Variants in AP3S1 observed in about 807,000 individuals in gnomAD.
AP3S1 encodes AP-3 complex subunit sigma-1.
A neutral mutation model predicts 21.3 loss-of-function variants in AP3S1; 12 were observed. That is an observed-to-expected ratio of 0.56 (90% CI 0.36 to 0.91). AP3S1 has a LOEUF of 0.91. Ranked by LOEUF, AP3S1 falls within the 40% of genes least tolerant of loss-of-function variation. AP3S1 has a pLI of 0.01. For synonymous variants in AP3S1, 48 were observed against 78.4 expected (o/e 0.61, Z 2.05); for missense variants, 116 against 225.0 (o/e 0.52, Z 3.10).
At chr5:115,860,858 C>A (rs1428013214) in intron 1 of AP3S1, among the ~76,000 whole-genome samples, 1 of 152,136 alleles carries the variant, frequency 6.6e-6, no homozygotes, top group African/African-American at 2.4e-5. Context: ...TAGAACACAG[C>A]TTGCACTTTT....
At chr5:115,868,348 T>TGAAA (rs1747882245) in intron 2 of AP3S1, among the ~76,000 whole-genome samples, 1 of 152,184 alleles carries the variant, frequency 6.6e-6, no homozygotes, top group African/African-American at 2.4e-5. Context: ...GTGTTCTTTT[T>TGAAA]GCCTCTTTCA....
intron 3 of AP3S1, among the ~76,000 whole-genome samples, chr5:115,878,789 G>A (rs1748996478): frequency 6.6e-6 from 1 of 152,162 alleles, no homozygotes; most frequent in Non-Finnish European, 1.5e-5. Flanking sequence ...ACGTTGGACA[G>A]TGTGGCCATT....
chr5:115,884,000 G>A (rs1348394664), intron 3 of AP3S1, among the ~76,000 whole-genome samples: 1 of 152,120 alleles, frequency 6.6e-6, no homozygotes, highest in Admixed American at 6.5e-5. Context: ...TGGAGGGACT[G>A]AAACAATTAA....
intron 3 of AP3S1, among the ~76,000 whole-genome samples, chr5:115,893,398 G>A (rs1278391980): frequency 6.6e-6 from 1 of 152,138 alleles, no homozygotes; most frequent in East Asian, 1.9e-4. Flanking sequence ...TACCCCAGCA[G>A]GCATGAAAAC....
At position 115,902,792 on chromosome 5, in the gene AP3S1, A is replaced by G. The variant is rs931763937; in HGVS notation, c.346-93A>G. 26 of 859,360 alleles carry G rather than the reference A, an allele frequency of 3.0e-5. No individual in the cohort carries two copies. In the African/African-American group the frequency reaches 4.5e-4, roughly 15 times the overall value. 53.2% of individuals were successfully genotyped at this position (859,360 alleles called of 1,614,324 possible). On this transcript the variant is annotated intron_variant, in intron 4 of 5. Transcript: ENST00000316788. Reference sequence around the variant, plus strand: ...TGTTTTTACCACTCATACTTTTAACATAGACAAAGTGGTATTTGAAACAAA... The same window carrying G: ...TGTTTTTACCACTCATACTTTTAACGTAGACAAAGTGGTATTTGAAACAAA...
intron 3 of AP3S1, among the ~76,000 whole-genome samples, chr5:115,873,660 C>G (rs1748466747): frequency 6.6e-6 from 1 of 152,050 alleles, no homozygotes; most frequent in Non-Finnish European, 1.5e-5. Context: ...GTTGAATAAA[C>G]AAAGATGGAA....
intron 3 of AP3S1, among the ~76,000 whole-genome samples, chr5:115,883,885 G>T (rs1246134313): frequency 6.6e-6 from 1 of 152,126 alleles, no homozygotes; most frequent in Non-Finnish European, 1.5e-5. Context: ...TTATTCAGAG[G>T]TTACTTTCAG....
At chr5:115,868,012 G>T (rs1180455314) in intron 2 of AP3S1, among the ~76,000 whole-genome samples, 1 of 152,110 alleles carries the variant, frequency 6.6e-6, no homozygotes, top group Non-Finnish European at 1.5e-5. Flanking sequence ...CCTTGGACAG[G>T]TTACTTAAAT....
intron 1 of AP3S1, among the ~76,000 whole-genome samples, chr5:115,854,749 T>C (rs1020825346): frequency 7.9e-5 from 12 of 152,042 alleles, no homozygotes; most frequent in Non-Finnish European, 1.6e-4. Context: ...TGTGATTTTG[T>C]CCACATTTTA....
At chr5:115,903,116 GT>G (rs772412800) in intron 5 of AP3S1, 124 bp downstream of exon 5, 8 of 699,526 alleles carry the variant, frequency 1.1e-5, no homozygotes, top group East Asian at 9.1e-5. Context: ...TGCTTATTCA[GT>G]TTTTAAAAAA....
chr5:115,885,757 C>T (rs998889037), intron 3 of AP3S1, among the ~76,000 whole-genome samples: 14 of 152,124 alleles, frequency 9.2e-5, no homozygotes, highest in African/African-American at 3.4e-4. Context: ...GTGTTGAATA[C>T]TTTTGTTAAT....
intron 3 of AP3S1, among the ~76,000 whole-genome samples, chr5:115,876,941 C>T (rs893163852): frequency 2.0e-5 from 3 of 152,072 alleles, no homozygotes; most frequent in African/African-American, 2.4e-5. Flanking sequence ...AGTTTGAGTC[C>T]AACAGGTTTA....
At chr5:115,893,632 A>G (rs1750506786) in intron 3 of AP3S1, among the ~76,000 whole-genome samples, 1 of 152,174 alleles carries the variant, frequency 6.6e-6, no homozygotes, top group Non-Finnish European at 1.5e-5. Flanking sequence ...AAGAAACCTT[A>G]GATTGTGGAT....
chr5:115,907,506 A>C (rs1484124204), intron 5 of AP3S1, among the ~76,000 whole-genome samples: 2 of 152,194 alleles, frequency 1.3e-5, no homozygotes, highest in Admixed American at 1.3e-4. Flanking sequence ...AAATAAGATC[A>C]GAAATCTTAT....
intron 1 of AP3S1, among the ~76,000 whole-genome samples, chr5:115,845,163 A>G (rs957280447): frequency 6.6e-6 from 1 of 152,220 alleles, no homozygotes; most frequent in Non-Finnish European, 1.5e-5. Context: ...TATGTCCAAT[A>G]TGAATAAAAA....
chr5:115,868,942 GAA>G, intron 2 of AP3S1, among the ~76,000 whole-genome samples: 1 of 54,584 alleles, frequency 1.8e-5, no homozygotes, highest in Non-Finnish European at 3.5e-5. Flanking sequence ...GGGAGGGAAG[GAA>G]GGAAGGAAGG....
chr5:115,890,594 A>G (rs918078958), intron 3 of AP3S1, among the ~76,000 whole-genome samples: 11 of 152,214 alleles, frequency 7.2e-5, no homozygotes, highest in Non-Finnish European at 1.5e-4. Flanking sequence ...TTTATGTTAT[A>G]TGTTATGATT....
intron 1 of AP3S1, among the ~76,000 whole-genome samples, chr5:115,845,799 T>C (rs1762012697): frequency 8.0e-6 from 1 of 124,306 alleles, no homozygotes; most frequent in Admixed American, 1.1e-4. Flanking sequence ...ATCGTGCCAC[T>C]GCATTCCAGC....
chr5:115,890,400 A>G (rs900340912), intron 3 of AP3S1, among the ~76,000 whole-genome samples: 10 of 152,326 alleles, frequency 6.6e-5, no homozygotes, highest in African/African-American at 2.4e-4. Context: ...GCCACTCACA[A>G]AAGAGCATGT....
Sources: gnomAD v4.1 joint callset for allele counts (sites outside exome capture counted in the v4.1 genomes callset) on GRCh38, gnomAD v4.1.1 for gene constraint, MANE v1.5 for transcripts, NCBI Gene and HGNC (gene_info 2026-07-23, HGNC 2026-07-21) for gene names.